SOS2: variants seen among roughly 807,000 people sequenced by gnomAD.
SOS2 encodes son of sevenless homolog 2.
SOS2 carries 65 observed loss-of-function variants against 148.2 expected under a neutral mutation model. That is an observed-to-expected ratio of 0.44 (90% CI 0.36 to 0.54). The LOEUF (loss-of-function observed/expected upper bound fraction) is 0.54. Among genes scored for constraint, SOS2 ranks in the 20% least tolerant of loss-of-function variants. The pLI, the probability that SOS2 is intolerant of heterozygous loss-of-function variation, is 0.00. For missense variants in SOS2, 1,341 were observed against 1,590.2 expected (o/e 0.84, Z 2.67); for synonymous variants, 539 against 537.1 (o/e 1.00, Z -0.05).
intron 21 of SOS2, among the ~76,000 whole-genome samples, chr14:50,121,066 T>C (rs904950366): frequency 2.6e-5 from 4 of 152,086 alleles, no homozygotes; most frequent in African/African-American, 7.2e-5. Flanking sequence ...GCAGCTATGA[T>C]TGGGCACATC....
chr14:50,204,641 C>T (rs1354283712), intron 1 of SOS2, among the ~76,000 whole-genome samples: 2 of 152,112 alleles, frequency 1.3e-5, no homozygotes, highest in Non-Finnish European at 2.9e-5. Flanking sequence ...GCCATTGAAC[C>T]CTCTCTTCCC....
chr14:50,204,514 A>G, intron 1 of SOS2, 105 bp from the exon 2 acceptor site: 1 of 680,734 alleles, frequency 1.5e-6, no homozygotes. Flanking sequence ...GTTACTCAAA[A>G]CAGACATAAA....
chr14:50,177,882 T>C (rs1340448797), intron 7 of SOS2, among the ~76,000 whole-genome samples: 3 of 152,156 alleles, frequency 2.0e-5, no homozygotes, highest in Non-Finnish European at 2.9e-5. Flanking sequence ...GCTGGTTATA[T>C]GAAAGTGTAT....
intron 12 of SOS2, among the ~76,000 whole-genome samples, chr14:50,153,758 G>A (rs749585403): frequency 2.0e-4 from 30 of 152,056 alleles, no homozygotes; most frequent in African/African-American, 4.3e-4. Flanking sequence ...GATTATAGAC[G>A]CCCGCCACCA....
At chr14:50,202,581 A>G (rs530005387) in intron 2 of SOS2, among the ~76,000 whole-genome samples, 37 of 152,234 alleles carry the variant, frequency 2.4e-4, no homozygotes, top group African/African-American at 7.9e-4. Context: ...AAAAAAATTT[A>G]AAAATTAGCC....
intron 21 of SOS2, among the ~76,000 whole-genome samples, chr14:50,124,901 C>T (rs1365402552): frequency 6.6e-6 from 1 of 152,132 alleles, no homozygotes; most frequent in Admixed American, 6.5e-5. Context: ...CAGTTATTCT[C>T]AATTTTCTAT....
chr14:50,181,653 T>C (rs765650857), intron 6 of SOS2, among the ~76,000 whole-genome samples: 5 of 152,176 alleles, frequency 3.3e-5, no homozygotes, highest in Non-Finnish European at 7.3e-5. Flanking sequence ...ACAATGTTTA[T>C]GATATACAGA....
intron 1 of SOS2, among the ~76,000 whole-genome samples, chr14:50,221,196 A>AT (rs754042023): frequency 1.3e-5 from 2 of 151,852 alleles, no homozygotes; most frequent in Non-Finnish European, 2.9e-5. Context: ...GACAACAAAG[A>AT]TTTTTTTTTC....
chr14:50,133,492 G>A (rs1883973670), intron 19 of SOS2, among the ~76,000 whole-genome samples: 1 of 152,116 alleles, frequency 6.6e-6, no homozygotes, highest in Non-Finnish European at 1.5e-5. Flanking sequence ...GAGCCACCAT[G>A]CCCGGTCTCT....
intron 16 of SOS2, among the ~76,000 whole-genome samples, chr14:50,144,291 T>C (rs1286872898): frequency 6.6e-6 from 1 of 151,938 alleles, no homozygotes; most frequent in African/African-American, 2.4e-5. Flanking sequence ...GAAAACTGTT[T>C]ATGAGAAAAG....
At chr14:50,182,636 G>T (rs1276550702) in intron 5 of SOS2, 30 bp from the exon 6 acceptor site, 3 of 1,568,474 alleles carry the variant, frequency 1.9e-6, no homozygotes. Flanking sequence ...GTTAAGAAAT[G>T]TGAGATTGAG....
At chr14:50,153,357 G>A (rs781520139) in intron 12 of SOS2, among the ~76,000 whole-genome samples, 184 bp from the exon 13 acceptor site, 31 of 151,756 alleles carry the variant, frequency 2.0e-4, no homozygotes, top group Non-Finnish European at 4.3e-4. Flanking sequence ...GTCTCCAAAC[G>A]GTGTATTATT....
At chr14:50,133,970 T>A (rs773176029) in intron 19 of SOS2, among the ~76,000 whole-genome samples, 153 bp downstream of exon 19, 1 of 150,766 alleles carries the variant, frequency 6.6e-6, no homozygotes, top group East Asian at 1.9e-4. Flanking sequence ...AAGGCTGACA[T>A]TTCCCCCCCC....
intron 1 of SOS2, among the ~76,000 whole-genome samples, chr14:50,212,344 C>T (rs529577542): frequency 8.0e-4 from 122 of 152,282 alleles, no homozygotes; most frequent in Non-Finnish European, 1.4e-3. Context: ...CATGGTGGTG[C>T]ACACCTGTAG....
intron 5 of SOS2, among the ~76,000 whole-genome samples, chr14:50,184,198 C>G (rs1426832760): frequency 1.3e-5 from 2 of 152,040 alleles, no homozygotes; most frequent in Non-Finnish European, 2.9e-5. Context: ...TAGGATAAGA[C>G]AGGTTCAAGC....
At chr14:50,231,168 C>T (rs369781649) in intron 1 of SOS2, 29 bp downstream of exon 1, 1 of 1,345,114 alleles carries the variant, frequency 7.4e-7, no homozygotes, top group South Asian at 1.8e-5. Context: ...CACGGGCCAC[C>T]CGCCGGCCGC....
intron 8 of SOS2, among the ~76,000 whole-genome samples, chr14:50,162,577 T>C (rs1157344292): frequency 6.6e-6 from 1 of 152,220 alleles, no homozygotes; most frequent in Admixed American, 6.5e-5. Flanking sequence ...GTTTTAGCAA[T>C]TTCAAGTTTA....
chr14:50,158,565 C>T lies in SOS2; in HGVS notation c.1934G>A (p.Arg645Gln), dbSNP rs1884892463. 4 of 1,564,732 alleles carry T rather than the reference C, an allele frequency of 2.6e-6. No homozygotes were observed. The highest frequency in any genetic ancestry group is 2.7e-5 in the African/African-American group (2 of 73,304). ...TAACTGAAATACATATTTTTCTTAC[C>T]GTTCAATCAGTAAGCTCAGCAATTC... is the stretch of plus-strand genomic sequence containing the variant. ...PQELLSLLIE[R>Q]FEIPEPEPTD... Residue 645 changes from arginine (R) to glutamine (Q), a missense_variant and splice_region_variant, in exon 11 of 23, where the codon CGG becomes CAG. By Grantham distance (43) the Arg-to-Gln change is conservative. Transcript: ENST00000216373.
rs1052404024 is a variant in SOS2 at position 50,138,480 on chromosome 14, T to C, written c.2958+132A>G. 4 of 439,536 alleles carry C rather than the reference T, an allele frequency of 9.1e-6. No individual in the cohort carries two copies. In the East Asian group the frequency reaches 1.4e-4, roughly 16 times the overall value. 27.2% of individuals were successfully genotyped at this position (439,536 alleles called of 1,614,324 possible). A position where few individuals can be genotyped will look rare whatever the true frequency, so the allele number is the denominator to read the frequency against. On this transcript the variant is annotated intron_variant, in intron 18 of 22. Coordinates refer to ENST00000216373, the MANE Select transcript of SOS2 (RefSeq NM_006939.4). ...CTGGCCTCTTACAGTTACTTTTAAA[T>C]CTGCAATTAAATTATTATGGACTGT... is the stretch of plus-strand genomic sequence containing the variant.
Sources: allele counts gnomAD v4.1 joint callset (sites outside exome capture counted in the v4.1 genomes callset), GRCh38; gene constraint gnomAD v4.1.1; transcripts MANE v1.5; gene names NCBI Gene and HGNC (gene_info 2026-07-23, HGNC 2026-07-21).